IDUA: variants seen among roughly 807,000 people sequenced by gnomAD.
IDUA encodes the protein iduronidase alpha-L-.
In IDUA, 65 loss-of-function variants were observed where a neutral mutation model predicts 68.9. That is an observed-to-expected ratio of 0.94 (90% confidence interval 0.77 to 1.16). The LOEUF is 1.16. Ranked by LOEUF, IDUA falls within the 50% of genes most tolerant of loss-of-function variation. The pLI is 0.00. For synonymous variants in IDUA, 529 were observed against 433.6 expected (o/e 1.22, Z -2.73); for missense variants, 1,046 against 938.0 (o/e 1.12, Z -1.50).
intron 2 of IDUA, chr4:991,793 C>T (rs1714367020): frequency 1.3e-6 from 2 of 1,531,240 alleles, no homozygotes; most frequent in South Asian, 1.2e-5. Context: ...CGACAAGGTC[C>T]CCGGCAGCAA....
Position 1,004,376 on chromosome 4 carries a change from TC to T in IDUA, c.1949del (p.Pro650ArgfsTer?). 6.2e-7 allele frequency: 1 copy of T among 1,610,746 alleles called. No homozygotes were observed. On this transcript the variant is annotated frameshift_variant, in exon 14 of 14. Coordinates refer to ENST00000514224, the MANE Select transcript of IDUA (RefSeq NM_000203.5). LOFTEE classifies it high-confidence loss of function. This position sits in a 1 kb window ranked among gnomAD's most constrained non-coding sequence, Gnocchi z 5.0. Reference sequence around the variant, plus strand: ...GGTCCCTGTGCCAAGAGGGCCCCCATCCCCGGGCAATCCATGAGCCTGTGCT... The same window carrying T: ...GGTCCCTGTGCCAAGAGGGCCCCCATCCCGGGCAATCCATGAGCCTGTGCT... ...LEVPVPRGPP[S>X]PGNP
At chr4:992,003 G>A in intron 2 of IDUA, 6 of 662,342 alleles carry the variant, frequency 9.1e-6, no homozygotes, top group South Asian at 7.7e-5. Context: ...CAGTGCTGAG[G>A]GGCGGCGTGG....
At chr4:991,496 C>A (rs755526832) in intron 2 of IDUA, 2 of 1,610,126 alleles carry the variant, frequency 1.2e-6, no homozygotes, top group Non-Finnish European at 1.7e-6. Context: ...ACGTCGCCTG[C>A]CAGGTACTCC....
chr4:988,065 C>T, intron 2 of IDUA, 116 bp downstream of exon 2: 1 of 1,468,076 alleles, frequency 6.8e-7, no homozygotes, highest in Non-Finnish European at 9.0e-7. Context: ...GCCGAAGCAC[C>T]CTGTTGGGGA....
Position 1,002,167 on chromosome 4 carries a change from C to G in IDUA, c.972+6C>G. ...ACGCGGCCATGGTGGTGAAGGTGGG[C>G]CGGCCCAACGCCCTGCGCGCCCCCC... On this transcript the variant is annotated splice_donor_region_variant and intron_variant, in intron 7 of 13. Transcript: ENST00000514224. 1 of 1,555,714 alleles carries G rather than the reference C, an allele frequency of 6.4e-7. No homozygotes were observed. Among genetic ancestry groups the G allele is most frequent in the Non-Finnish European group, 8.7e-7 (1 of 1,150,090 alleles).
chr4:998,287 T>G (rs752870792), intron 2 of IDUA, among the ~76,000 whole-genome samples: 1 of 152,150 alleles, frequency 6.6e-6, no homozygotes, highest in Non-Finnish European at 1.5e-5. Flanking sequence ...TCTGCCTTGA[T>G]CTTGTACACC....
Position 991,852 on chromosome 4 carries a change from G to T in IDUA, c.299+3903G>T. ...CGCCCACCCAGGGCCGGGGATTGGT[G>T]CTGGGCCTTCTCCTGGCAGCGCGGG... On this transcript the variant is annotated intron_variant, in intron 2 of 13. Transcript: ENST00000514224. The T allele has an allele frequency of 3.3e-6, 5 of 1,516,168 alleles. No homozygotes were observed. In the South Asian group the frequency reaches 6.0e-5, roughly 18 times the overall value. 93.9% of individuals were successfully genotyped at this position (1,516,168 alleles called of 1,614,324 possible).
chr4:1,000,943 G>A lies in IDUA; in HGVS notation c.447G>A (p.Val149=). 6.2e-7 allele frequency: 1 copy of A among 1,613,526 alleles called. No homozygotes were observed. Among genetic ancestry groups the A allele is most frequent in the Admixed American group, 1.7e-5 (1 of 60,026 alleles). ...HFTDFEDKQQ[V]FEWKDLVSSL... ...CTGACTTTGAGGACAAGCAGCAGGTGTTTGAGTGGAAGGACTTGGTCTCCA... is the reference window on the plus strand; with the variant it reads ...CTGACTTTGAGGACAAGCAGCAGGTATTTGAGTGGAAGGACTTGGTCTCCA... Residue 149 remains valine (V), a synonymous_variant, in exon 4 of 14, where the codon GTG becomes GTA. Transcript: ENST00000514224.
At position 1,001,710 on chromosome 4, in the gene IDUA, G is replaced by A. The variant is rs753678881; in HGVS notation, c.621G>A (p.Glu207=). 1.0e-5 allele frequency: 16 copies of A among 1,599,518 alleles called. No individual in the cohort carries two copies. In the South Asian group the frequency reaches 1.8e-4, roughly 18 times the overall value. ...TGAACTACTACGATGCCTGCTCGGA[G>A]GGTCTGCGCGCCGCCAGCCCCGCCC... ...GFLNYYDACS[E]GLRAASPALR... The change falls in exon 6 of 14, where the codon GAG becomes GAA. Residue 207 remains glutamate, a synonymous_variant. Coordinates refer to ENST00000514224, the MANE Select transcript of IDUA (RefSeq NM_000203.5).
In IDUA at chr4:1,004,281, C is replaced by T; in HGVS notation, c.1850C>T (p.Ser617Phe). The part of the protein sequence containing the change: ...FSPDTGAVSG[S>F]YRVRALDYWA... Reference sequence around the variant, plus strand: ...CCAGACACAGGTGCTGTCTCTGGCTCCTACCGAGTTCGAGCCCTGGACTAC... The same window carrying T: ...CCAGACACAGGTGCTGTCTCTGGCTTCTACCGAGTTCGAGCCCTGGACTAC... Residue 617 changes from serine (S) to phenylalanine (F), a missense_variant, in exon 14 of 14, where the codon TCC becomes TTC. Transcript: ENST00000514224. The surrounding 1 kb of genome is among the most constrained non-coding windows in gnomAD (Gnocchi z 5.0). 5 of 1,610,640 alleles carry T rather than the reference C, an allele frequency of 3.1e-6. No homozygotes were observed. Among genetic ancestry groups the T allele is most frequent in the Non-Finnish European group, 4.2e-6 (5 of 1,179,984 alleles).
chr4:1,003,588 C>T lies in IDUA; in HGVS notation c.1690C>T (p.Leu564=), dbSNP rs951711740. 2 of 1,612,428 alleles carry T rather than the reference C, an allele frequency of 1.2e-6. No homozygotes were observed. Among genetic ancestry groups the T allele is most frequent in the Non-Finnish European group, 1.7e-6 (2 of 1,179,820 alleles). ...CGCCCTGCCCCTGACCCAAGGGCAG[C>T]TGGTTCTGGTCTGGTCGGATGAACA... The part of the protein sequence containing the change: ...LRALPLTQGQ[L]VLVWSDEHVG... The change falls in exon 12 of 14, where the codon CTG becomes TTG. Residue 564 remains leucine (L), a synonymous_variant. Coordinates refer to ENST00000514224, the MANE Select transcript of IDUA (RefSeq NM_000203.5).
intron 2 of IDUA, among the ~76,000 whole-genome samples, chr4:999,022 G>C (rs1485205773): frequency 1.3e-5 from 2 of 152,012 alleles, no homozygotes; most frequent in Non-Finnish European, 2.9e-5. Flanking sequence ...GGCTAACATG[G>C]TGAAACTCCG....
intron 2 of IDUA, chr4:991,929 A>C: frequency 4.2e-6 from 4 of 960,970 alleles, no homozygotes; most frequent in Non-Finnish European, 6.4e-6. Context: ...TGGATCCAGA[A>C]TCCATCGTGA....
At position 997,216 on chromosome 4, in the gene IDUA, G is replaced by A. The variant is rs111728035; in HGVS notation, c.300-3396G>A. Among the ~76,000 whole-genome samples, 625 of 152,134 alleles carry A rather than the reference G, an allele frequency of 4.1e-3. 6 individuals carry two copies. The highest frequency in any genetic ancestry group is 0.014 in the African/African-American group (598 of 41,522). ...TCTGGAGAAGAGGAGGCCCCGGCCC[G>A]CACCCTCTAGCACCTGTGTCCCCTT... On this transcript the variant is annotated intron_variant, in intron 2 of 13. Coordinates refer to ENST00000514224, the MANE Select transcript of IDUA (RefSeq NM_000203.5).
rs190540894 is a variant in IDUA at position 995,322 on chromosome 4, C to T, written c.300-5290C>T. On this transcript the variant is annotated intron_variant, in intron 2 of 13. Transcript: ENST00000514224. ...CCTCCCAAAGTGCTGGGATTACAGG[C>T]GTGAGCCACCGTGCCCGGCCAGTTC... Among the ~76,000 whole-genome samples, 801 of 151,246 alleles carry T rather than the reference C, an allele frequency of 5.3e-3. 14 individuals carry two copies. The highest frequency in any genetic ancestry group is 0.018 in the African/African-American group (732 of 41,182).
At chr4:996,670 G>C (rs1310242463) in intron 2 of IDUA, among the ~76,000 whole-genome samples, 2 of 152,244 alleles carry the variant, frequency 1.3e-5, no homozygotes, top group African/African-American at 4.8e-5. Flanking sequence ...GGTGTCTAAA[G>C]TAGGTGAGGT....
chr4:987,347 G>A, intron 1 of IDUA, 105 bp downstream of exon 1: 1 of 1,146,784 alleles, frequency 8.7e-7, no homozygotes, highest in Admixed American at 2.4e-5. Flanking sequence ...TCCCTCCTCT[G>A]GGGCCCTGGC....
At chr4:999,204 CAAA>C (rs56098003) in intron 2 of IDUA, among the ~76,000 whole-genome samples, 2 of 128,674 alleles carry the variant, frequency 1.6e-5, no homozygotes, top group Non-Finnish European at 1.7e-5. Flanking sequence ...GACTCTGTCT[CAAA>C]AAAAAAAAAA....
chr4:991,927 G>A, intron 2 of IDUA: 1 of 986,308 alleles, frequency 1.0e-6, no homozygotes, highest in Non-Finnish European at 1.5e-6. Context: ...GCTGGATCCA[G>A]AATCCATCGT....
Sources: gnomAD v4.1 joint callset for allele counts (sites outside exome capture counted in the v4.1 genomes callset) on GRCh38, gnomAD v4.1.1 for gene constraint, Gnocchi (gnomAD v3.1) non-coding constraint, MANE v1.5 for transcripts, NCBI Gene and HGNC (gene_info 2026-07-23, HGNC 2026-07-21) for gene names.